KIF6: variants seen among roughly 807,000 people sequenced by gnomAD.
The protein encoded by KIF6 is kinesin family member 6, also known as kinesin-like protein KIF6.
KIF6 carries 106 observed loss-of-function variants against 112.7 expected under a neutral mutation model. The ratio of observed to expected loss-of-function variants is 0.94; its 90% CI spans 0.80 to 1.11. KIF6 has a LOEUF of 1.11. Ranked by LOEUF, KIF6 falls within the 50% of genes least tolerant of loss-of-function variation. The pLI, the probability that KIF6 is intolerant of heterozygous loss-of-function variation, is 0.00. For synonymous variants in KIF6, 339 were observed against 339.9 expected, an observed-to-expected ratio of 1.00 and a Z score of 0.03; for missense variants, 929 against 964.0, an observed-to-expected ratio of 0.96 and a Z score of 0.48.
intron 3 of KIF6, among the ~76,000 whole-genome samples, chr6:39,707,452 C>A (rs192027500): frequency 1.3e-5 from 2 of 152,210 alleles, no homozygotes; most frequent in Non-Finnish European, 1.5e-5. Flanking sequence ...GTTTCTCCAG[C>A]ATCCAATCTG....
At chr6:39,353,846 C>A in intron 19 of KIF6, 1 of 476,062 alleles carries the variant, frequency 2.1e-6, no homozygotes. Context: ...TTCAGGATGG[C>A]ACTATGCCAG....
In KIF6 at chr6:39,608,908, T is replaced by C. The variant is rs541452358; in HGVS notation, c.639+4281A>G. Among the ~76,000 whole-genome samples the C allele has an allele frequency of 5.9e-5, 9 of 152,288 alleles. No homozygotes were observed. The South Asian group carries it at 1.7e-3, about 28-fold the overall frequency. ...TACTAGTTGCCAGGTGCTGAGAGAA[T>C]AGAGATGAACAAGACGAAAGTCTTG... On this transcript the variant is annotated intron_variant, in intron 6 of 22. Coordinates refer to ENST00000287152, the MANE Select transcript of KIF6 (RefSeq NM_145027.6).
At chr6:39,448,263 C>A (rs1179323521) in intron 13 of KIF6, among the ~76,000 whole-genome samples, 1 of 152,114 alleles carries the variant, frequency 6.6e-6, no homozygotes, top group African/African-American at 2.4e-5. Flanking sequence ...CAACCTCCTT[C>A]TCCTGGGTTC....
chr6:39,336,931 CTTTCTTTCTT>C (rs1407902401), intron 22 of KIF6, among the ~76,000 whole-genome samples: 2 of 122,014 alleles, frequency 1.6e-5, no homozygotes, highest in Non-Finnish European at 3.4e-5. Flanking sequence ...CCTTTCTCTT[CTTTCTTTCTT>C]TTTCTTTCTC....
chr6:39,397,301 C>T (rs1451917267), intron 15 of KIF6, among the ~76,000 whole-genome samples: 1 of 152,182 alleles, frequency 6.6e-6, no homozygotes, highest in Non-Finnish European at 1.5e-5. Flanking sequence ...GCTTGAAATG[C>T]TGGTGGTAAT....
In KIF6 at chr6:39,362,505, G is replaced by GT. The variant is rs1275587530; in HGVS notation, c.1874dup (p.Asn625LysfsTer27). ...GGTCTGGCATCAGAGGCACGGCCATGTTTTCCGAGATTCCTGTAGAAGGAA... is the reference window on the plus strand; with the variant it reads ...GGTCTGGCATCAGAGGCACGGCCATGTTTTTCCGAGATTCCTGTAGAAGGAA... On this transcript the variant is annotated frameshift_variant, in exon 17 of 23. Coordinates refer to ENST00000287152, the MANE Select transcript of KIF6 (RefSeq NM_145027.6). LOFTEE classifies it high-confidence loss of function. 1 of 1,613,670 alleles carries GT rather than the reference G, an allele frequency of 6.2e-7. No individual in the cohort carries two copies. Among genetic ancestry groups the GT allele is most frequent in the Non-Finnish European group, 8.5e-7 (1 of 1,179,534 alleles).
At chr6:39,489,706 G>A (rs1480316995) in intron 13 of KIF6, among the ~76,000 whole-genome samples, 2 of 152,154 alleles carry the variant, frequency 1.3e-5, no homozygotes, top group Admixed American at 6.5e-5. Flanking sequence ...GTGACAAGGG[G>A]TAGGAGGATA....
chr6:39,588,523 C>G (rs980587214), intron 7 of KIF6, among the ~76,000 whole-genome samples: 3 of 152,184 alleles, frequency 2.0e-5, no homozygotes, highest in Middle Eastern at 6.8e-3. Context: ...CATTGCCTGG[C>G]TTTTAAATGC....
At chr6:39,559,178 T>C (rs1053115047) in intron 10 of KIF6, among the ~76,000 whole-genome samples, 1 of 152,220 alleles carries the variant, frequency 6.6e-6, no homozygotes, top group African/African-American at 2.4e-5. Flanking sequence ...GGATATTTAA[T>C]CCACAAAGTT....
At chr6:39,556,390 AC>A (rs66633869) in intron 10 of KIF6, among the ~76,000 whole-genome samples, 6,269 of 152,248 alleles carry the variant, frequency 0.041, 308 homozygotes, top group East Asian at 0.27. Context: ...ATGACAGTCA[AC>A]AGAAACAAGG....
intron 19 of KIF6, among the ~76,000 whole-genome samples, chr6:39,353,284 A>T (rs1764395921): frequency 6.6e-6 from 1 of 152,138 alleles, no homozygotes; most frequent in African/African-American, 2.4e-5. Context: ...ATGTAGTGGT[A>T]TCTCATTGTT....
At chr6:39,581,745 T>A (rs1259456215) in intron 9 of KIF6, among the ~76,000 whole-genome samples, 2 of 152,118 alleles carry the variant, frequency 1.3e-5, no homozygotes, top group East Asian at 3.9e-4. Flanking sequence ...TCTTGCAACA[T>A]CCCAGGGCTT....
intron 5 of KIF6, among the ~76,000 whole-genome samples, chr6:39,624,019 T>C (rs1582299239): frequency 6.6e-6 from 1 of 152,134 alleles, no homozygotes. Flanking sequence ...TTGAGGGTTA[T>C]GGGAGCAGAG....
At chr6:39,440,601 CCT>C (rs148666781) in intron 13 of KIF6, among the ~76,000 whole-genome samples, 54 of 151,642 alleles carry the variant, frequency 3.6e-4, no homozygotes, top group African/African-American at 1.3e-3. Flanking sequence ...TTCATCGTCC[CCT>C]GTTGGTCTTC....
rs1786540037 is a variant in KIF6, at chr6:39,667,360, A to T, written c.252-27603T>A. Among the ~76,000 whole-genome samples the T allele has an allele frequency of 2.0e-5, 3 of 152,296 alleles. No individual in the cohort carries two copies. The South Asian group carries it at 6.2e-4, about 32-fold the overall frequency. On this transcript the variant is annotated intron_variant, in intron 3 of 22. Coordinates refer to ENST00000287152, the MANE Select transcript of KIF6 (RefSeq NM_145027.6). ...GGAGTTCTGACGTTTAAGGCAACAG[A>T]AGAAAAGTCTGTCCTAGCTCTCAGA...
chr6:39,489,754 T>C (rs1775352807), intron 13 of KIF6, among the ~76,000 whole-genome samples: 1 of 152,194 alleles, frequency 6.6e-6, no homozygotes, highest in Non-Finnish European at 1.5e-5. Flanking sequence ...CTTATGAAAC[T>C]ACTCGATACA....
chr6:39,550,131 C>G (rs1417540953), intron 10 of KIF6, among the ~76,000 whole-genome samples: 1 of 152,170 alleles, frequency 6.6e-6, no homozygotes, highest in Admixed American at 6.5e-5. Flanking sequence ...TTATGTTTAA[C>G]TGTTTTAAAA....
At position 39,725,408 on chromosome 6, in the gene KIF6, T is replaced by C. The variant is rs1790491468; in HGVS notation, c.-98A>G. 1.1e-6 allele frequency: 1 copy of C among 921,134 alleles called. No individual in the cohort carries two copies. The highest frequency in any genetic ancestry group is 1.7e-5 in the African/African-American group (1 of 58,566). 57.1% of individuals were successfully genotyped at this position (921,134 alleles called of 1,614,324 possible). On this transcript the variant is annotated 5_prime_UTR_variant, in exon 1 of 23. Coordinates refer to ENST00000287152, the MANE Select transcript of KIF6 (RefSeq NM_145027.6). ...CGGCGACCCACAGTCTTAGCAACAG[T>C]AGCTAGGGACACTACCCAGTGAGCA...
Position 39,596,108 on chromosome 6 carries a change from G to T in KIF6, c.792C>A (p.Gly264=). ...SERVAKTGVG[G]HLLTEAKYIN... The stretch of plus-strand genomic sequence containing the variant: ...TATACTTGGCCTCTGTTAGAAGATG[G>T]CCCCCTACTCCAGTCTTTGCAACTC... The change falls in exon 7 of 23, where the codon GGC becomes GGA. Residue 264 remains glycine, a synonymous_variant. Transcript: ENST00000287152. The T allele has an allele frequency of 6.2e-7, 1 of 1,613,890 alleles. No homozygotes were observed. Among genetic ancestry groups the T allele is most frequent in the South Asian group, 1.1e-5 (1 of 91,074 alleles).
Sources: gnomAD v4.1 joint callset for allele counts (sites outside exome capture counted in the v4.1 genomes callset) on GRCh38, gnomAD v4.1.1 for gene constraint, MANE v1.5 for transcripts, NCBI Gene and HGNC (gene_info 2026-07-23, HGNC 2026-07-21) for gene names.